RFX3: variants seen among roughly 807,000 people sequenced by gnomAD.
The protein encoded by RFX3 is regulatory factor X3.
In RFX3, 14 loss-of-function variants were observed where a neutral mutation model predicts 98.6. The observed-to-expected ratio is 0.14, with a 90% CI of 0.09 to 0.22. The LOEUF (loss-of-function observed/expected upper bound fraction) is 0.22. Among genes scored for constraint, RFX3 ranks in the 10% least tolerant of loss-of-function variants. RFX3 has a pLI of 1.00. For missense variants in RFX3, 639 were observed against 926.9 expected (o/e 0.69, Z 4.03); for synonymous variants, 383 against 328.4 (o/e 1.17, Z -1.80).
chr9:3,402,252 T>G (rs867764157), intron 1 of RFX3, among the ~76,000 whole-genome samples: 3 of 152,170 alleles, frequency 2.0e-5, no homozygotes, highest in Non-Finnish European at 4.4e-5. Context: ...TCTGCAAAGT[T>G]TGGTTCCACT....
chr9:3,252,279 A>G (rs1821513533), intron 14 of RFX3, among the ~76,000 whole-genome samples: 1 of 152,232 alleles, frequency 6.6e-6, no homozygotes, highest in Admixed American at 6.5e-5. Context: ...GGTTCAGACA[A>G]GACAGACAAA....
At chr9:3,478,245 ATATTT>A (rs1849440568) in intron 1 of RFX3, among the ~76,000 whole-genome samples, 1 of 152,088 alleles carries the variant, frequency 6.6e-6, no homozygotes, top group Non-Finnish European at 1.5e-5. Flanking sequence ...TTTAGGTAAT[ATATTT>A]TAACAAATCT....
chr9:3,387,336 C>A (rs1839828992), intron 2 of RFX3, among the ~76,000 whole-genome samples: 1 of 152,126 alleles, frequency 6.6e-6, no homozygotes, highest in South Asian at 2.1e-4. Context: ...AACATGGTAT[C>A]TAGAACTGAT....
intron 2 of RFX3, among the ~76,000 whole-genome samples, chr9:3,366,604 C>T (rs1049232023): frequency 3.3e-5 from 5 of 151,760 alleles, no homozygotes; most frequent in African/African-American, 1.2e-4. Flanking sequence ...TTCTCTACCA[C>T]TAGTCTGTTT....
rs117094507 is a variant in RFX3 at position 3,253,167 on chromosome 9, G to A, written c.1814+3824C>T. On this transcript the variant is annotated intron_variant, in intron 14 of 16. Coordinates refer to ENST00000617270, the MANE Select transcript of RFX3 (RefSeq NM_001282116.2). ...TTGTGTATTTATCTTTATAACTCAT[G>A]GCGTGGAAATTGAAATATATGCCCT... 2.0e-4 allele frequency among the ~76,000 whole-genome samples: 31 copies of A among 152,242 alleles called. No individual in the cohort carries two copies. The East Asian group carries it at 5.8e-3, about 29-fold the overall frequency.
chr9:3,293,288 C>T (rs765311889), intron 5 of RFX3, 30 bp from the exon 6 acceptor site: 2 of 1,531,684 alleles, frequency 1.3e-6, no homozygotes, highest in South Asian at 1.3e-5. Context: ...TAAACACAGA[C>T]AAATCACATA....
chr9:3,475,094 T>C (rs1236377643), intron 1 of RFX3, among the ~76,000 whole-genome samples: 2 of 135,388 alleles, frequency 1.5e-5, no homozygotes, highest in African/African-American at 3.2e-5. Flanking sequence ...AGCAAGACCC[T>C]GTCTCCAAAA....
intron 2 of RFX3, among the ~76,000 whole-genome samples, chr9:3,354,592 T>C (rs1418150413): frequency 6.6e-6 from 1 of 151,826 alleles, no homozygotes; most frequent in Non-Finnish European, 1.5e-5. Context: ...GAAAAATATT[T>C]CAAACTAAAT....
intron 1 of RFX3, among the ~76,000 whole-genome samples, chr9:3,519,007 T>A (rs1409298702): frequency 6.6e-6 from 1 of 152,218 alleles, no homozygotes; most frequent in Non-Finnish European, 1.5e-5. Context: ...TTATTAAACT[T>A]TACTGACTAC....
Position 3,223,921 on chromosome 9 carries a change from G to C in RFX3, c.*1121C>G, listed in dbSNP as rs1817507572. ...CCTACAGAATTGGGGATAAGTAACAGTGAGGTGTGCCAGTTACACTGCCTT... is the reference window on the plus strand; with the variant it reads ...CCTACAGAATTGGGGATAAGTAACACTGAGGTGTGCCAGTTACACTGCCTT... On this transcript the variant is annotated 3_prime_UTR_variant, in exon 17 of 17. Transcript: ENST00000617270. 6.6e-6 allele frequency: 1 copy of C among 152,176 alleles called. No homozygotes were observed. The highest frequency in any genetic ancestry group is 1.5e-5 in the Non-Finnish European group (1 of 68,018). 9.4% of individuals were successfully genotyped at this position (152,176 alleles called of 1,614,324 possible).
At chr9:3,319,092 T>A (rs918727930) in intron 4 of RFX3, among the ~76,000 whole-genome samples, 17 of 152,226 alleles carry the variant, frequency 1.1e-4, no homozygotes, top group Admixed American at 9.8e-4. Flanking sequence ...CATTTTCAAA[T>A]GGTCTCTGCA....
chr9:3,243,359 G>A (rs1251555030), intron 15 of RFX3, among the ~76,000 whole-genome samples: 1 of 148,240 alleles, frequency 6.7e-6, no homozygotes, highest in South Asian at 2.1e-4. Flanking sequence ...AATTGCATAT[G>A]CTTTAAATAA....
Position 3,451,046 on chromosome 9 carries a change from G to A in RFX3, c.-8-55450C>T, listed in dbSNP as rs529268572. Reference sequence around the variant, plus strand: ...GAGTGAAGCAGGAAATATAAAAGGCGAATCTGGAGCATCCTGCAGTGTAGG... The same window carrying A: ...GAGTGAAGCAGGAAATATAAAAGGCAAATCTGGAGCATCCTGCAGTGTAGG... On this transcript the variant is annotated intron_variant, in intron 1 of 16. Transcript: ENST00000617270. Among the ~76,000 whole-genome samples the A allele has an allele frequency of 2.6e-5, 4 of 152,224 alleles. No individual in the cohort carries two copies. In the East Asian group the frequency reaches 5.8e-4, roughly 22 times the overall value.
At chr9:3,479,239 G>A (rs1205616552) in intron 1 of RFX3, among the ~76,000 whole-genome samples, 1 of 152,012 alleles carries the variant, frequency 6.6e-6, no homozygotes, top group African/African-American at 2.4e-5. Context: ...TTCTAAAATG[G>A]CTGATTTTCA....
chr9:3,520,045 G>C (rs1445457122), intron 1 of RFX3, among the ~76,000 whole-genome samples: 1 of 152,182 alleles, frequency 6.6e-6, no homozygotes, highest in South Asian at 2.1e-4. Context: ...AGGAGATTGA[G>C]GCTGCAGTGA....
At chr9:3,391,102 C>A (rs1056785898) in intron 2 of RFX3, among the ~76,000 whole-genome samples, 1 of 152,086 alleles carries the variant, frequency 6.6e-6, no homozygotes, top group Non-Finnish European at 1.5e-5. Flanking sequence ...ATCATGATTT[C>A]TATATCCATT....
rs113671210 is a variant in RFX3, at chr9:3,451,337, G to C, written c.-8-55741C>G. Among the ~76,000 whole-genome samples the C allele has an allele frequency of 4.6e-5, 7 of 152,260 alleles. 1 individual carries two copies. Among genetic ancestry groups the C allele is most frequent in the Admixed American group, 1.3e-4 (2 of 15,290 alleles). ...GAAGTAGGAAGTTCACTTGAGCCCA[G>C]GAGTTCAAGATCAGCCTAGGCAACA... is the stretch of plus-strand genomic sequence containing the variant. On this transcript the variant is annotated intron_variant, in intron 1 of 16. Transcript: ENST00000617270.
chr9:3,508,848 C>T (rs755702655), intron 1 of RFX3, among the ~76,000 whole-genome samples: 3 of 151,910 alleles, frequency 2.0e-5, no homozygotes, highest in Non-Finnish European at 2.9e-5. Flanking sequence ...CTTAAATTGA[C>T]TGTTTCAAAT....
chr9:3,442,251 A>G (rs1845671930), intron 1 of RFX3, among the ~76,000 whole-genome samples: 1 of 152,132 alleles, frequency 6.6e-6, no homozygotes, highest in South Asian at 2.1e-4. Context: ...CCTGGCTAAT[A>G]TTACCTTAGG....
Sources: gnomAD v4.1 joint callset for allele counts (sites outside exome capture counted in the v4.1 genomes callset) on GRCh38, gnomAD v4.1.1 for gene constraint, MANE v1.5 for transcripts, NCBI Gene and HGNC (gene_info 2026-07-23, HGNC 2026-07-21) for gene names.